CNTN6: variants seen among roughly 807,000 people sequenced by gnomAD.
CNTN6 encodes contactin-6.
CNTN6 carries 137 observed loss-of-function variants against 122.8 expected under a neutral mutation model. The ratio of observed to expected loss-of-function variants is 1.12; its 90% CI spans 0.97 to 1.29. The LOEUF (loss-of-function observed/expected upper bound fraction) is 1.29. CNTN6 is among the 50% of genes most tolerant of loss of function. CNTN6 has a pLI of 0.00. For synonymous variants in CNTN6, 570 were observed against 426.0 expected (o/e 1.34, Z -4.16); for missense variants, 1,634 against 1,223.4 (o/e 1.34, Z -5.01).
chr3:1,141,825 T>G (rs1334470016), intron 1 of CNTN6, among the ~76,000 whole-genome samples: 1 of 152,178 alleles, frequency 6.6e-6, no homozygotes, highest in Non-Finnish European at 1.5e-5. Context: ...AGCTTCTAAG[T>G]TAGGTTGGGA....
At chr3:1,289,292 G>A (rs1172717670) in intron 5 of CNTN6, among the ~76,000 whole-genome samples, 1 of 152,170 alleles carries the variant, frequency 6.6e-6, no homozygotes, top group African/African-American at 2.4e-5. Context: ...ATGACTGGGA[G>A]GAGCCAGCCC....
intron 12 of CNTN6, among the ~76,000 whole-genome samples, chr3:1,363,168 T>C (rs1049602479): frequency 3.9e-4 from 60 of 152,078 alleles, no homozygotes; most frequent in African/African-American, 1.3e-3. Context: ...TGCAATAAAG[T>C]GGTTACTATA....
chr3:1,210,798 G>C (rs1489708750), intron 2 of CNTN6, among the ~76,000 whole-genome samples: 1 of 152,104 alleles, frequency 6.6e-6, no homozygotes, highest in Non-Finnish European at 1.5e-5. Flanking sequence ...TTGTTCAAAA[G>C]GCAGAAAAAA....
intron 1 of CNTN6, among the ~76,000 whole-genome samples, chr3:1,123,530 A>G (rs1434148437): frequency 6.6e-6 from 1 of 151,880 alleles, no homozygotes; most frequent in Non-Finnish European, 1.5e-5. Flanking sequence ...ACTAATTTTT[A>G]TATTTTGATC....
chr3:1,350,109 T>C (rs1705393065), intron 11 of CNTN6, among the ~76,000 whole-genome samples: 1 of 151,820 alleles, frequency 6.6e-6, no homozygotes, highest in Non-Finnish European at 1.5e-5. Context: ...AAGAAAAAAT[T>C]TTCAGATTAA....
chr3:1,102,664 C>G (rs916478466), intron 1 of CNTN6, among the ~76,000 whole-genome samples: 37 of 149,522 alleles, frequency 2.5e-4, no homozygotes, highest in African/African-American at 8.3e-4. Context: ...GGGGGCGGAG[C>G]TTGCAGTGAG....
chr3:1,240,720 GAAAA>G (rs979836407), intron 4 of CNTN6, among the ~76,000 whole-genome samples: 10 of 147,414 alleles, frequency 6.8e-5, no homozygotes, highest in Admixed American at 6.0e-4. Context: ...AAAAAAAAAA[GAAAA>G]AAAAGAAAAA....
At chr3:1,385,339 A>G (rs1030415823) in intron 19 of CNTN6, among the ~76,000 whole-genome samples, 1 of 152,054 alleles carries the variant, frequency 6.6e-6, no homozygotes. Context: ...GGTAACCTTT[A>G]GATAGCTCAT....
intron 2 of CNTN6, among the ~76,000 whole-genome samples, chr3:1,150,661 T>G (rs2092820775): frequency 6.6e-6 from 1 of 152,204 alleles, no homozygotes; most frequent in Admixed American, 6.5e-5. Flanking sequence ...CAGTTAATAA[T>G]TATATACTTT....
chr3:1,331,440 G>C (rs1702276734), intron 11 of CNTN6, among the ~76,000 whole-genome samples: 1 of 151,984 alleles, frequency 6.6e-6, no homozygotes, highest in Non-Finnish European at 1.5e-5. Flanking sequence ...AGGTGCTTCA[G>C]AACTAAGGTG....
At chr3:1,291,183 T>G (rs1695258304) in intron 5 of CNTN6, among the ~76,000 whole-genome samples, 1 of 152,226 alleles carries the variant, frequency 6.6e-6, no homozygotes, top group African/African-American at 2.4e-5. Flanking sequence ...CTTGCACCCT[T>G]AGCCTCATAA....
At chr3:1,395,486 A>G (rs530477446) in intron 20 of CNTN6, among the ~76,000 whole-genome samples, 119 of 152,094 alleles carry the variant, frequency 7.8e-4, no homozygotes, top group African/African-American at 2.8e-3. Flanking sequence ...TCCATGTTCA[A>G]TGCCAGCAAC....
chr3:1,176,325 G>A (rs996636496), intron 2 of CNTN6, among the ~76,000 whole-genome samples: 19 of 152,288 alleles, frequency 1.2e-4, no homozygotes, highest in Admixed American at 6.5e-4. Context: ...GCTGAGGCAC[G>A]AGAATCACTT....
intron 1 of CNTN6, among the ~76,000 whole-genome samples, chr3:1,147,463 T>C (rs2092747329): frequency 6.6e-6 from 1 of 152,152 alleles, no homozygotes. Context: ...TTTATGAGTT[T>C]AGGAGTTTTT....
intron 4 of CNTN6, among the ~76,000 whole-genome samples, chr3:1,253,789 ACCT>A (rs1197646748): frequency 2.0e-5 from 3 of 152,020 alleles, no homozygotes; most frequent in African/African-American, 2.4e-5. Context: ...CACTCACCTC[ACCT>A]CCTGCTGTGC....
intron 1 of CNTN6, among the ~76,000 whole-genome samples, chr3:1,105,288 A>G (rs928961397): frequency 6.6e-6 from 1 of 152,116 alleles, no homozygotes; most frequent in African/African-American, 2.4e-5. Context: ...GCCTGAATGA[A>G]TATTTCATGA....
chr3:1,212,050 G>A (rs764945533), intron 2 of CNTN6, among the ~76,000 whole-genome samples: 1 of 152,106 alleles, frequency 6.6e-6, no homozygotes, highest in Non-Finnish European at 1.5e-5. Flanking sequence ...TTAGATACCA[G>A]TAGGTTAGAT....
At position 1,388,032 on chromosome 3, in the gene CNTN6, A is replaced by T. The variant is rs563025673; in HGVS notation, c.2704+2235A>T. Among the ~76,000 whole-genome samples the T allele has an allele frequency of 8.2e-4, 125 of 152,054 alleles. 1 individual carries two copies. The highest frequency in any genetic ancestry group is 1.6e-3 in the African/African-American group (65 of 41,380). On this transcript the variant is annotated intron_variant, in intron 20 of 22. Coordinates refer to ENST00000446702, the MANE Select transcript of CNTN6 (RefSeq NM_001289080.2). ...GCTTGATTAGGTAAACAAAGCAGCC[A>T]GGAAGCTCCAACTGGGTGGAGCCCA...
intron 12 of CNTN6, among the ~76,000 whole-genome samples, chr3:1,368,767 A>C (rs1708578723): frequency 6.6e-6 from 1 of 152,210 alleles, no homozygotes; most frequent in African/African-American, 2.4e-5. Context: ...GTAATTTGTA[A>C]GTGTATGTCA....
Sources: allele counts gnomAD v4.1 joint callset (sites outside exome capture counted in the v4.1 genomes callset), GRCh38; gene constraint gnomAD v4.1.1; transcripts MANE v1.5; gene names NCBI Gene and HGNC (gene_info 2026-07-23, HGNC 2026-07-21).